The following DIAPH2 variants were observed in gnomAD, a reference collection of about 807,000 sequenced individuals.
The protein encoded by DIAPH2 is protein diaphanous homolog 2.
In DIAPH2, 35 loss-of-function variants were observed where a neutral mutation model predicts 92.7. That is an observed-to-expected ratio of 0.38 (90% CI 0.29 to 0.50). The LOEUF (loss-of-function observed/expected upper bound fraction) is 0.50. Ranked by LOEUF, DIAPH2 falls within the 20% of genes least tolerant of loss-of-function variation. The pLI, the probability that DIAPH2 is intolerant of heterozygous loss-of-function variation, is 0.94. For missense variants in DIAPH2, 701 were observed against 819.5 expected, an observed-to-expected ratio of 0.86 and a Z score of 1.77; for synonymous variants, 301 against 280.4, an observed-to-expected ratio of 1.07 and a Z score of -0.73.
Position 96,748,931 on chromosome X carries a change from T to C in DIAPH2, c.343-9223T>C, listed in dbSNP as rs185841662. Among the ~76,000 whole-genome samples, 75 of 110,808 alleles carry C rather than the reference T, an allele frequency of 6.8e-4. No individual in the cohort carries two copies. In the East Asian group the frequency reaches 0.019, roughly 28 times the overall value. On this transcript the variant is annotated intron_variant, in intron 3 of 26. Transcript: ENST00000324765. Reference sequence around the variant, plus strand: ...AATTTCAGTGTCCACAAATAAAGTTTTGCTGAATGTATCCACGCCCATTTG... The same window carrying C: ...AATTTCAGTGTCCACAAATAAAGTTCTGCTGAATGTATCCACGCCCATTTG...
chrX:96,810,009 T>A (rs750398884), intron 4 of DIAPH2, among the ~76,000 whole-genome samples: 55 of 112,392 alleles, frequency 4.9e-4, no homozygotes, highest in African/African-American at 1.7e-3. Flanking sequence ...GTAGCATGAT[T>A]TATAATCCTT....
At chrX:97,199,169 C>T (rs2067727357) in intron 22 of DIAPH2, among the ~76,000 whole-genome samples, 1 of 110,224 alleles carries the variant, frequency 9.1e-6, no homozygotes, top group Non-Finnish European at 1.9e-5. Flanking sequence ...TAGCCACCCT[C>T]AATCTAAGTA....
chrX:96,735,607 G>T (rs1360060012), intron 1 of DIAPH2, 151 bp from the exon 2 acceptor site: 14 of 377,261 alleles, frequency 3.7e-5, no homozygotes, highest in Non-Finnish European at 1.4e-5. Flanking sequence ...TTTCTTTAAA[G>T]AATGTATTGT....
At chrX:97,227,131 C>T (rs192383414) in intron 22 of DIAPH2, among the ~76,000 whole-genome samples, 7 of 110,517 alleles carry the variant, frequency 6.3e-5, no homozygotes, top group African/African-American at 2.0e-4. Context: ...AAAAATGAGC[C>T]GGGCATGGTG....
At chrX:97,402,207 C>CGTGTGTGTGT (rs10695870) in intron 25 of DIAPH2, among the ~76,000 whole-genome samples, 67 of 99,850 alleles carry the variant, frequency 6.7e-4, no homozygotes, top group Middle Eastern at 5.1e-3. Context: ...TCATTTGCAT[C>CGTGTGTGTGT]GTGTGTGTGT....
intron 11 of DIAPH2, among the ~76,000 whole-genome samples, chrX:96,938,505 G>A (rs1036015545): frequency 1.8e-4 from 20 of 111,719 alleles, no homozygotes; most frequent in African/African-American, 6.5e-4. Context: ...CTTATGTGGG[G>A]TCTAAGAAGT....
At chrX:97,375,067 G>A (rs1199708606) in intron 24 of DIAPH2, among the ~76,000 whole-genome samples, 2 of 111,935 alleles carry the variant, frequency 1.8e-5, no homozygotes, top group Non-Finnish European at 3.8e-5. Context: ...AAGGACCTCA[G>A]CCCAAGCTAC....
intron 22 of DIAPH2, among the ~76,000 whole-genome samples, chrX:97,183,429 A>G (rs1383333442): frequency 8.9e-6 from 1 of 111,923 alleles, no homozygotes; most frequent in African/African-American, 3.2e-5. Context: ...ATGCTGCAAG[A>G]ATAATTTTAA....
At chrX:97,376,501 C>T (rs1433190068) in intron 24 of DIAPH2, among the ~76,000 whole-genome samples, 2 of 111,921 alleles carry the variant, frequency 1.8e-5, no homozygotes, top group Non-Finnish European at 3.8e-5. Flanking sequence ...TGGACATGGT[C>T]CTGGATTGGA....
At chrX:96,856,017 T>A (rs1017237376) in intron 4 of DIAPH2, among the ~76,000 whole-genome samples, 6 of 112,031 alleles carry the variant, frequency 5.4e-5, no homozygotes, top group Non-Finnish European at 1.1e-4. Flanking sequence ...AGAAGGAATA[T>A]GACAGCCAGC....
chrX:97,392,096 T>C (rs1282053980), intron 25 of DIAPH2, among the ~76,000 whole-genome samples: 8 of 111,955 alleles, frequency 7.1e-5, no homozygotes, highest in Non-Finnish European at 1.3e-4. Flanking sequence ...AAATTTAAAT[T>C]CTGTGTGTTC....
intron 23 of DIAPH2, among the ~76,000 whole-genome samples, chrX:97,276,505 A>G (rs1263826211): frequency 9.0e-6 from 1 of 111,164 alleles, no homozygotes; most frequent in Admixed American, 9.6e-5. Context: ...CACTTCTAAG[A>G]GATGGAATAC....
At chrX:96,849,248 C>T (rs2064991976) in intron 4 of DIAPH2, among the ~76,000 whole-genome samples, 1 of 111,744 alleles carries the variant, frequency 8.9e-6, no homozygotes, top group Non-Finnish European at 1.9e-5. Flanking sequence ...TTACTGCAAC[C>T]TCCGCCTCCC....
At chrX:96,778,525 G>A (rs1293145788) in intron 4 of DIAPH2, among the ~76,000 whole-genome samples, 1 of 110,363 alleles carries the variant, frequency 9.1e-6, no homozygotes, top group Non-Finnish European at 1.9e-5. Flanking sequence ...TATAAACATA[G>A]TTTAATTACT....
intron 23 of DIAPH2, among the ~76,000 whole-genome samples, chrX:97,344,451 T>A (rs1424100067): frequency 1.8e-5 from 2 of 112,072 alleles, no homozygotes; most frequent in African/African-American, 3.2e-5. Flanking sequence ...AATAAGTTTT[T>A]AAAATTCCCA....
At chrX:97,399,339 A>G (rs1328443431) in intron 25 of DIAPH2, among the ~76,000 whole-genome samples, 1 of 111,258 alleles carries the variant, frequency 9.0e-6, no homozygotes, top group African/African-American at 3.3e-5. Flanking sequence ...CATCTCTTCA[A>G]TCTCTGATAT....
intron 26 of DIAPH2, among the ~76,000 whole-genome samples, chrX:97,508,890 G>C (rs1450190074): frequency 9.2e-6 from 1 of 109,226 alleles, no homozygotes; most frequent in Non-Finnish European, 1.9e-5. Context: ...ACGTAGTATA[G>C]GGGGAAAGAA....
intron 4 of DIAPH2, among the ~76,000 whole-genome samples, chrX:96,813,310 T>G (rs1225127310): frequency 2.7e-5 from 3 of 111,042 alleles, no homozygotes; most frequent in Non-Finnish European, 5.7e-5. Context: ...TTTGTTGGTT[T>G]AAAGTCTGTT....
At chrX:97,048,159 C>T (rs771192126) in intron 17 of DIAPH2, among the ~76,000 whole-genome samples, 2 of 110,476 alleles carry the variant, frequency 1.8e-5, no homozygotes, top group South Asian at 7.9e-4. Context: ...CCCTACTCAA[C>T]TACTGTTAAG....
Sources: gnomAD v4.1 joint callset for allele counts (sites outside exome capture counted in the v4.1 genomes callset) on GRCh38, gnomAD v4.1.1 for gene constraint, MANE v1.5 for transcripts, NCBI Gene and HGNC (gene_info 2026-07-23, HGNC 2026-07-21) for gene names.